Variants in ERCC6L2 observed in about 807,000 individuals in gnomAD.
The protein encoded by ERCC6L2 is DNA excision repair protein ERCC-6-like 2.
ERCC6L2 carries 77 observed loss-of-function variants against 132.0 expected under a neutral mutation model. That is an observed-to-expected ratio of 0.58 (90% CI 0.49 to 0.71). The LOEUF (loss-of-function observed/expected upper bound fraction) is 0.71. Among genes scored for constraint, ERCC6L2 ranks in the 30% least tolerant of loss-of-function variants. The probability of loss-of-function intolerance (pLI) is 0.00; values close to 1 mark genes in which losing one functional copy is unlikely to be tolerated. For missense variants in ERCC6L2, 1,542 were observed against 1,837.6 expected (o/e 0.84, Z 2.94); for synonymous variants, 583 against 632.4 (o/e 0.92, Z 1.17).
chr9:95,931,162 G>T (rs1830321790), intron 11 of ERCC6L2, among the ~76,000 whole-genome samples: 1 of 152,124 alleles, frequency 6.6e-6, no homozygotes. Context: ...CTTCATCCAT[G>T]TTTTATGTTT....
intron 17 of ERCC6L2, among the ~76,000 whole-genome samples, chr9:95,982,697 A>G (rs1413028915): frequency 1.3e-5 from 2 of 150,834 alleles, no homozygotes. Context: ...AGAAATCAAG[A>G]TTTTAAAATA....
At position 95,896,635 on chromosome 9, in the gene ERCC6L2, G is replaced by A. The variant is rs142564469; in HGVS notation, c.472-1214G>A. ...GATGGGGTTTTGCCATGTTGCCCAC[G>A]CTGGTCTCAAATTCCTGGGCTAAAA... is the stretch of plus-strand genomic sequence containing the variant. On this transcript the variant is annotated intron_variant, in intron 2 of 18. Coordinates refer to ENST00000653738, the MANE Select transcript of ERCC6L2 (RefSeq NM_020207.7). Among the ~76,000 whole-genome samples the A allele has an allele frequency of 2.6e-4, 39 of 152,042 alleles. 1 individual carries two copies. Among genetic ancestry groups the A allele is most frequent in the East Asian group, 2.1e-3 (11 of 5,190 alleles).
At chr9:95,918,153 T>C in intron 6 of ERCC6L2, 1 of 470,216 alleles carries the variant, frequency 2.1e-6, no homozygotes, top group Non-Finnish European at 4.2e-6. Context: ...CCAAAAGAGT[T>C]GTGGTCATCC....
At chr9:95,936,890 T>A (rs1830579183) in intron 11 of ERCC6L2, among the ~76,000 whole-genome samples, 1 of 152,194 alleles carries the variant, frequency 6.6e-6, no homozygotes, top group South Asian at 2.1e-4. Flanking sequence ...TGTAACCTTT[T>A]GGGATTGGCT....
At chr9:95,982,406 T>TAC (rs1378332665) in intron 17 of ERCC6L2, among the ~76,000 whole-genome samples, 1 of 152,134 alleles carries the variant, frequency 6.6e-6, no homozygotes, top group Non-Finnish European at 1.5e-5. Flanking sequence ...ATACAGCTTT[T>TAC]GGAGTCAGCA....
chr9:96,027,709 C>T (rs1454157943), intron 19 of ERCC6L2: 2 of 152,356 alleles, frequency 1.3e-5, no homozygotes, highest in African/African-American at 4.8e-5. Context: ...CGCAGCGTTT[C>T]CCTAGCTTCC....
At chr9:96,026,784 A>C (rs200221552) in intron 19 of ERCC6L2, among the ~76,000 whole-genome samples, 8 of 47,278 alleles carry the variant, frequency 1.7e-4, no homozygotes, top group African/African-American at 4.3e-4. Flanking sequence ...CACAAACACC[A>C]CACACACCCC....
intron 17 of ERCC6L2, among the ~76,000 whole-genome samples, chr9:96,000,846 C>T (rs1297198909): frequency 3.9e-5 from 6 of 152,166 alleles, no homozygotes; most frequent in South Asian, 2.1e-4. Context: ...AAAGTTCTTA[C>T]GTGATAGTGT....
intron 17 of ERCC6L2, among the ~76,000 whole-genome samples, chr9:95,981,462 A>G (rs1016896695): frequency 2.6e-5 from 4 of 152,222 alleles, no homozygotes; most frequent in African/African-American, 9.6e-5. Context: ...CCTAACATAA[A>G]TTTTGAATTA....
chr9:96,011,332 T>A (rs2133221871), intron 18 of ERCC6L2, among the ~76,000 whole-genome samples: 1 of 152,278 alleles, frequency 6.6e-6, no homozygotes, highest in Non-Finnish European at 1.5e-5. Flanking sequence ...AGGACACTAA[T>A]CCTGTTGGAT....
intron 16 of ERCC6L2, among the ~76,000 whole-genome samples, chr9:95,973,748 A>G (rs1832538836): frequency 6.6e-6 from 1 of 152,168 alleles, no homozygotes; most frequent in African/African-American, 2.4e-5. Context: ...ATGAGATTTG[A>G]GTGGGGACAC....
At chr9:96,011,884 G>A (rs1834036988) in intron 18 of ERCC6L2, among the ~76,000 whole-genome samples, 1 of 152,200 alleles carries the variant, frequency 6.6e-6, no homozygotes, top group African/African-American at 2.4e-5. Flanking sequence ...CAAGTACAGA[G>A]TCTATAAATC....
chr9:95,964,224 A>T (rs1017657213), intron 13 of ERCC6L2, among the ~76,000 whole-genome samples: 22 of 152,132 alleles, frequency 1.4e-4, no homozygotes, highest in Non-Finnish European at 1.9e-4. Flanking sequence ...GTGTGGTCTC[A>T]TGGCTTCCTA....
rs1420409526 is a variant in ERCC6L2 at position 96,016,760 on chromosome 9, A to G, written c.*3557A>G. 6.6e-6 allele frequency among the ~76,000 whole-genome samples: 1 copy of G among 152,216 alleles called. No individual in the cohort carries two copies. Among genetic ancestry groups the G allele is most frequent in the Non-Finnish European group, 1.5e-5 (1 of 68,034 alleles). ...TATCAAAATAGCCCTCTTTTTTGAA[A>G]TGATGGTAGATCATACCTTTTGGTC... On this transcript the variant is annotated 3_prime_UTR_variant, in exon 19 of 19. Coordinates refer to ENST00000653738, the MANE Select transcript of ERCC6L2 (RefSeq NM_020207.7).
intron 12 of ERCC6L2, among the ~76,000 whole-genome samples, chr9:95,944,250 A>T (rs1349892493): frequency 6.6e-6 from 1 of 152,252 alleles, no homozygotes; most frequent in African/African-American, 2.4e-5. Context: ...AAGACATTAT[A>T]CTACATGAAA....
intron 17 of ERCC6L2, among the ~76,000 whole-genome samples, chr9:96,002,786 A>C (rs1334735095): frequency 6.6e-6 from 1 of 151,946 alleles, no homozygotes; most frequent in Non-Finnish European, 1.5e-5. Flanking sequence ...GGTAGTTTTT[A>C]AGGTTTGCCC....
At chr9:95,920,697 G>A (rs987503812) in intron 6 of ERCC6L2, among the ~76,000 whole-genome samples, 1 of 152,150 alleles carries the variant, frequency 6.6e-6, no homozygotes, top group Non-Finnish European at 1.5e-5. Flanking sequence ...ATCCAGGGTG[G>A]GGTGGAGAGC....
chr9:95,979,979 G>A (rs1430913398), intron 17 of ERCC6L2, among the ~76,000 whole-genome samples: 1 of 152,146 alleles, frequency 6.6e-6, no homozygotes, highest in Admixed American at 6.5e-5. Flanking sequence ...GCAAACCGCT[G>A]TAGTGGATGT....
chr9:96,003,885 C>G (rs996087276), intron 17 of ERCC6L2, among the ~76,000 whole-genome samples: 3 of 152,152 alleles, frequency 2.0e-5, no homozygotes, highest in African/African-American at 7.2e-5. Context: ...GTCAGGAAAA[C>G]TGGGACTGTA....
Sources: allele counts gnomAD v4.1 joint callset (sites outside exome capture counted in the v4.1 genomes callset), GRCh38; gene constraint gnomAD v4.1.1; transcripts MANE v1.5; gene names NCBI Gene and HGNC (gene_info 2026-07-23, HGNC 2026-07-21).